CPNE4: variants seen among roughly 807,000 people sequenced by gnomAD.
CPNE4 encodes the protein copine 4.
Under a neutral mutation model 67.9 loss-of-function variants are expected in CPNE4, and 25 were observed. The ratio of observed to expected loss-of-function variants is 0.37; its 90% confidence interval spans 0.27 to 0.51. CPNE4 has a LOEUF of 0.51. CPNE4 is among the 20% of genes least tolerant of loss of function. The pLI, the probability that CPNE4 is intolerant of heterozygous loss-of-function variation, is 0.93. For synonymous variants in CPNE4, 242 were observed against 244.9 expected (o/e 0.99, Z 0.11); for missense variants, 464 against 690.8 (o/e 0.67, Z 3.68).
At chr3:131,698,243 A>AAAAAAAAAAC (rs2081205079) in intron 4 of CPNE4, among the ~76,000 whole-genome samples, 1 of 149,656 alleles carries the variant, frequency 6.7e-6, no homozygotes, top group African/African-American at 2.5e-5. Context: ...CAAAAAAAAA[A>AAAAAAAAAAC]AAAAAAAAAA....
intron 1 of CPNE4, among the ~76,000 whole-genome samples, chr3:131,914,070 A>C (rs970907466): frequency 6.6e-6 from 1 of 152,214 alleles, no homozygotes; most frequent in Non-Finnish European, 1.5e-5. Flanking sequence ...TCAGATCCTC[A>C]GGATAATCCT....
chr3:131,668,374 C>T (rs551280316), intron 7 of CPNE4, among the ~76,000 whole-genome samples: 1 of 152,298 alleles, frequency 6.6e-6, no homozygotes, highest in South Asian at 2.1e-4. Flanking sequence ...AGCTACCCAG[C>T]TAACACTTTC....
intron 1 of CPNE4, among the ~76,000 whole-genome samples, chr3:132,005,755 A>G (rs2073584051): frequency 6.6e-6 from 1 of 151,882 alleles, no homozygotes; most frequent in Non-Finnish European, 1.5e-5. Context: ...ACAGCCCTCC[A>G]TATATGCAGG....
intron 1 of CPNE4, among the ~76,000 whole-genome samples, chr3:131,908,049 C>A (rs116828368): frequency 0.015 from 2,289 of 152,200 alleles, 64 homozygotes; most frequent in African/African-American, 0.052. Context: ...GCTGGAGTAC[C>A]AGTTTTCTAT....
intron 1 of CPNE4, among the ~76,000 whole-genome samples, chr3:132,010,107 T>C (rs2073715146): frequency 6.6e-6 from 1 of 152,240 alleles, no homozygotes; most frequent in Non-Finnish European, 1.5e-5. Flanking sequence ...ATCACCTGGC[T>C]ATAAGTTCCG....
intron 7 of CPNE4, among the ~76,000 whole-genome samples, chr3:131,591,975 T>A (rs1309934612): frequency 6.6e-6 from 1 of 152,146 alleles, no homozygotes; most frequent in East Asian, 1.9e-4. Flanking sequence ...CCTTCTCAGG[T>A]TCTTACATCT....
intron 6 of CPNE4, among the ~76,000 whole-genome samples, chr3:131,678,006 T>G (rs1222143996): frequency 1.3e-5 from 2 of 152,216 alleles, no homozygotes; most frequent in Non-Finnish European, 2.9e-5. Flanking sequence ...GCATTGAATG[T>G]ATAAATTGCT....
At chr3:131,775,869 G>C (rs190483616) in intron 2 of CPNE4, among the ~76,000 whole-genome samples, 3 of 152,298 alleles carry the variant, frequency 2.0e-5, no homozygotes, top group Admixed American at 1.3e-4. Context: ...ACCACAATGT[G>C]CTGATAAGAG....
chr3:131,828,493 C>A (rs1358510191), intron 2 of CPNE4, among the ~76,000 whole-genome samples: 1 of 152,102 alleles, frequency 6.6e-6, no homozygotes, highest in African/African-American at 2.4e-5. Context: ...CTGAGTGTTG[C>A]CCCGTTGTAT....
rs201475737 is a variant in CPNE4, at chr3:131,570,330, TA to T, written c.927+4740del. Among the ~76,000 whole-genome samples the T allele has an allele frequency of 5.9e-3, 849 of 144,630 alleles. 9 individuals are homozygous for T. Among genetic ancestry groups the T allele is most frequent in the African/African-American group, 0.021 (738 of 35,936 alleles). The allele number at this position is 144,630 out of a possible 152,430, so 94.9% of individuals were successfully genotyped here. A position where few individuals can be genotyped will look rare whatever the true frequency, so the allele number is the denominator to read the frequency against. Reference sequence around the variant, plus strand: ...CTTTTTATTTATTTATTTATTTATTTATTTTTTTAAAATTTTTTATTATACT... The same window carrying T: ...CTTTTTATTTATTTATTTATTTATTTTTTTTTTAAAATTTTTTATTATACT... On this transcript the variant is annotated intron_variant, in intron 10 of 15. Transcript: ENST00000429747.
intron 1 of CPNE4, among the ~76,000 whole-genome samples, chr3:132,012,144 A>G (rs1291507727): frequency 1.4e-5 from 2 of 148,076 alleles, no homozygotes; most frequent in Non-Finnish European, 3.0e-5. Flanking sequence ...ATACCCTTGT[A>G]TTCCAGTAAA....
At chr3:131,973,173 A>G (rs1194986051) in intron 1 of CPNE4, among the ~76,000 whole-genome samples, 2 of 152,186 alleles carry the variant, frequency 1.3e-5, no homozygotes, top group Admixed American at 6.5e-5. Context: ...TATCATAGCC[A>G]TCTTAAAAGA....
intron 1 of CPNE4, among the ~76,000 whole-genome samples, chr3:131,977,374 G>T (rs994806321): frequency 6.6e-6 from 1 of 152,082 alleles, no homozygotes; most frequent in Admixed American, 6.5e-5. Context: ...GTAATAATTA[G>T]CTATGACAGC....
At chr3:131,819,800 AAT>A (rs1298368742) in intron 2 of CPNE4, among the ~76,000 whole-genome samples, 10 of 152,210 alleles carry the variant, frequency 6.6e-5, no homozygotes, top group African/African-American at 2.2e-4. Flanking sequence ...AATGCCAAGG[AAT>A]AAAGGCAAAA....
At chr3:131,641,278 C>T (rs1356762078) in intron 7 of CPNE4, among the ~76,000 whole-genome samples, 1 of 151,818 alleles carries the variant, frequency 6.6e-6, no homozygotes, top group South Asian at 2.1e-4. Context: ...TGACAAAGGA[C>T]TAATATCCAA....
chr3:131,635,516 A>G (rs2079355514), intron 7 of CPNE4, among the ~76,000 whole-genome samples: 1 of 152,244 alleles, frequency 6.6e-6, no homozygotes, highest in African/African-American at 2.4e-5. Flanking sequence ...TTAAAATTAA[A>G]TAAAATTAAA....
chr3:131,642,176 T>G (rs1421664513), intron 7 of CPNE4, among the ~76,000 whole-genome samples: 2 of 152,058 alleles, frequency 1.3e-5, no homozygotes, highest in African/African-American at 4.8e-5. Flanking sequence ...ATAAAAAAAT[T>G]TAAAAAGACT....
intron 7 of CPNE4, among the ~76,000 whole-genome samples, chr3:131,664,689 A>G (rs1452263732): frequency 6.6e-6 from 1 of 152,184 alleles, no homozygotes; most frequent in Non-Finnish European, 1.5e-5. Context: ...GTTTAACAAC[A>G]TGGGTTTTTG....
chr3:131,756,092 G>A (rs2082744997), intron 2 of CPNE4, among the ~76,000 whole-genome samples: 1 of 151,974 alleles, frequency 6.6e-6, no homozygotes, highest in South Asian at 2.1e-4. Context: ...AAGAAACAGC[G>A]AGTAAAAAAT....
Sources: allele counts gnomAD v4.1 joint callset (sites outside exome capture counted in the v4.1 genomes callset), GRCh38; gene constraint gnomAD v4.1.1; transcripts MANE v1.5; gene names NCBI Gene and HGNC (gene_info 2026-07-23, HGNC 2026-07-21).